Variants in CNTNAP2 observed in about 807,000 individuals in gnomAD.
The protein encoded by CNTNAP2 is contactin-associated protein-like 2.
Under a neutral mutation model 155.2 loss-of-function variants are expected in CNTNAP2, and 98 were observed. The ratio of observed to expected loss-of-function variants is 0.63; its 90% confidence interval spans 0.54 to 0.75. The LOEUF is 0.75. Ranked by LOEUF, CNTNAP2 falls within the 30% of genes least tolerant of loss-of-function variation. CNTNAP2 has a pLI of 0.00. For synonymous variants in CNTNAP2, 651 were observed against 631.2 expected, an observed-to-expected ratio of 1.03 and a Z score of -0.47; for missense variants, 1,727 against 1,688.1, an observed-to-expected ratio of 1.02 and a Z score of -0.40.
chr7:147,771,310 A>T (rs1797465138), intron 13 of CNTNAP2, among the ~76,000 whole-genome samples: 1 of 152,252 alleles, frequency 6.6e-6, no homozygotes, highest in African/African-American at 2.4e-5. Flanking sequence ...CACACAAAAA[A>T]GCACACATCA....
intron 15 of CNTNAP2, among the ~76,000 whole-genome samples, chr7:148,019,935 C>T (rs938698864): frequency 2.0e-5 from 3 of 152,182 alleles, no homozygotes; most frequent in African/African-American, 7.2e-5. Context: ...CAGGTGCCTG[C>T]CACCACGCCC....
intron 1 of CNTNAP2, among the ~76,000 whole-genome samples, chr7:146,530,962 T>C (rs1464671418): frequency 1.3e-5 from 2 of 152,114 alleles, no homozygotes; most frequent in African/African-American, 2.4e-5. Context: ...AGCAAAGACA[T>C]GGAATCAACC....
intron 3 of CNTNAP2, among the ~76,000 whole-genome samples, chr7:146,983,164 C>T (rs1346975326): frequency 6.6e-6 from 1 of 152,164 alleles, no homozygotes; most frequent in Non-Finnish European, 1.5e-5. Flanking sequence ...ATTAATTAAT[C>T]ATTTCTGGAA....
chr7:147,002,651 T>A (rs970688705), intron 3 of CNTNAP2, among the ~76,000 whole-genome samples: 6 of 151,948 alleles, frequency 3.9e-5, no homozygotes, highest in African/African-American at 1.4e-4. Context: ...CTCACAGTTC[T>A]GGGGGTCAAG....
chr7:147,600,526 C>G (rs1198127100), intron 12 of CNTNAP2, among the ~76,000 whole-genome samples: 2 of 152,136 alleles, frequency 1.3e-5, no homozygotes, highest in African/African-American at 4.8e-5. Context: ...AAATATTATT[C>G]TTCCTTTGAT....
intron 9 of CNTNAP2, among the ~76,000 whole-genome samples, chr7:147,368,388 T>G (rs2116909929): frequency 6.6e-6 from 1 of 152,176 alleles, no homozygotes; most frequent in African/African-American, 2.4e-5. Flanking sequence ...GTTTTCTGTC[T>G]CCCTGCAAAC....
At chr7:146,227,640 G>A (rs1256888180) in intron 1 of CNTNAP2, among the ~76,000 whole-genome samples, 1 of 152,086 alleles carries the variant, frequency 6.6e-6, no homozygotes, top group African/African-American at 2.4e-5. Flanking sequence ...ATGAAAGAAA[G>A]TGTCAATAAA....
chr7:146,599,834 T>A (rs1798922796), intron 1 of CNTNAP2, among the ~76,000 whole-genome samples: 1 of 87,294 alleles, frequency 1.1e-5, no homozygotes, highest in African/African-American at 6.7e-5. Context: ...GCCTAGAATA[T>A]AAGACACTAA....
intron 8 of CNTNAP2, among the ~76,000 whole-genome samples, chr7:147,147,164 C>G (rs527359605): frequency 6.6e-6 from 1 of 152,012 alleles, no homozygotes; most frequent in Admixed American, 6.6e-5. Context: ...GAGTGAGTAG[C>G]GAAGGGGAAA....
intron 17 of CNTNAP2, among the ~76,000 whole-genome samples, chr7:148,165,217 G>A (rs572014815): frequency 2.0e-5 from 3 of 152,234 alleles, no homozygotes; most frequent in South Asian, 2.1e-4. Context: ...TCTTCTTGCC[G>A]TGTCTTCACT....
At position 146,322,222 on chromosome 7, in the gene CNTNAP2, T is replaced by A. The variant is rs972098005; in HGVS notation, c.97+205249T>A. On this transcript the variant is annotated intron_variant, in intron 1 of 23. Coordinates refer to ENST00000361727, the MANE Select transcript of CNTNAP2 (RefSeq NM_014141.6). ...ATGTTAGGGCACATTTTAGAGCATG[T>A]CACTGATAGCTGCCTGAAACAGCCA... 5.3e-5 allele frequency among the ~76,000 whole-genome samples: 8 copies of A among 152,160 alleles called. No homozygotes were observed. In the South Asian group the frequency reaches 1.7e-3, roughly 32 times the overall value.
intron 3 of CNTNAP2, among the ~76,000 whole-genome samples, chr7:146,958,432 G>A (rs1171823541): frequency 6.9e-5 from 1 of 14,492 alleles, no homozygotes; most frequent in African/African-American, 2.9e-4. Flanking sequence ...TTTTTTTTTT[G>A]AGACGGAGTC....
At chr7:146,189,656 T>C (rs1798674083) in intron 1 of CNTNAP2, among the ~76,000 whole-genome samples, 1 of 152,174 alleles carries the variant, frequency 6.6e-6, no homozygotes, top group Admixed American at 6.5e-5. Context: ...GGTTTGACCT[T>C]TTAGCAAGAA....
chr7:146,160,267 A>G (rs1333417210), intron 1 of CNTNAP2, among the ~76,000 whole-genome samples: 1 of 152,194 alleles, frequency 6.6e-6, no homozygotes, highest in Non-Finnish European at 1.5e-5. Context: ...ACACCCTAAC[A>G]TCACAATTAA....
chr7:147,039,774 A>G (rs1353710549), intron 3 of CNTNAP2, among the ~76,000 whole-genome samples: 1 of 152,142 alleles, frequency 6.6e-6, no homozygotes. Flanking sequence ...TGGTTAAACT[A>G]ATTTCCATGC....
intron 3 of CNTNAP2, among the ~76,000 whole-genome samples, chr7:146,940,000 C>A (rs1375747259): frequency 1.3e-5 from 2 of 152,076 alleles, no homozygotes; most frequent in Non-Finnish European, 2.9e-5. Flanking sequence ...GCCAAACTAA[C>A]CCTGAGGTGT....
At chr7:146,545,597 T>C (rs909918795) in intron 1 of CNTNAP2, among the ~76,000 whole-genome samples, 1 of 151,880 alleles carries the variant, frequency 6.6e-6, no homozygotes. Flanking sequence ...CGGTGTTTGG[T>C]TTTCTGTTCC....
At chr7:146,307,086 C>G (rs181924291) in intron 1 of CNTNAP2, among the ~76,000 whole-genome samples, 4 of 152,110 alleles carry the variant, frequency 2.6e-5, no homozygotes, top group African/African-American at 4.8e-5. Flanking sequence ...AAAACCCCAT[C>G]GTCTCAGCCC....
At chr7:147,891,800 G>GT (rs577258183) in intron 13 of CNTNAP2, among the ~76,000 whole-genome samples, 166 of 151,764 alleles carry the variant, frequency 1.1e-3, no homozygotes, top group Admixed American at 5.6e-3. Flanking sequence ...TTCCAACATA[G>GT]CCCCCCCTAC....
Sources: allele counts gnomAD v4.1 joint callset (sites outside exome capture counted in the v4.1 genomes callset), GRCh38; gene constraint gnomAD v4.1.1; transcripts MANE v1.5; gene names NCBI Gene and HGNC (gene_info 2026-07-23, HGNC 2026-07-21).